The following SORCS3 variants were observed in gnomAD, a reference collection of about 807,000 sequenced individuals.
SORCS3 encodes the protein sortilin related VPS10 domain containing receptor 3.
Under a neutral mutation model 146.3 loss-of-function variants are expected in SORCS3, and 57 were observed. The ratio of observed to expected loss-of-function variants is 0.39; its 90% confidence interval spans 0.31 to 0.49. SORCS3 has a LOEUF of 0.49. Among genes scored for constraint, SORCS3 ranks in the 20% least tolerant of loss-of-function variants. The pLI is 0.92. For synonymous variants in SORCS3, 653 were observed against 618.5 expected (o/e 1.06, Z -0.83); for missense variants, 1,341 against 1,575.5 (o/e 0.85, Z 2.52).
intron 1 of SORCS3, among the ~76,000 whole-genome samples, chr10:104,743,383 TTTA>T (rs2016872345): frequency 6.6e-6 from 1 of 152,188 alleles, no homozygotes. Context: ...TCAGGAAACA[TTTA>T]TTAAGCATTC....
chr10:104,703,908 T>C lies in SORCS3; in HGVS notation c.627+61954T>C, dbSNP rs375781479. ...TGTAGGAGGATTCATTTTGAAACATTGTCAGCAACCAGCTGGAAAAAAATA... is the reference window on the plus strand; with the variant it reads ...TGTAGGAGGATTCATTTTGAAACATCGTCAGCAACCAGCTGGAAAAAAATA... On this transcript the variant is annotated intron_variant, in intron 1 of 26. Transcript: ENST00000369701. Among the ~76,000 whole-genome samples, 334 of 152,140 alleles carry C rather than the reference T, an allele frequency of 2.2e-3. 2 individuals are homozygous for C. Among genetic ancestry groups the C allele is most frequent in the Non-Finnish European group, 3.8e-3 (256 of 67,984 alleles).
chr10:104,972,542 G>A (rs2054866746), intron 3 of SORCS3, among the ~76,000 whole-genome samples: 1 of 152,140 alleles, frequency 6.6e-6, no homozygotes, highest in Non-Finnish European at 1.5e-5. Context: ...CAGCATGGCA[G>A]TGGGGGAGGG....
At chr10:105,130,573 G>A (rs1366183957) in intron 7 of SORCS3, among the ~76,000 whole-genome samples, 3 of 151,968 alleles carry the variant, frequency 2.0e-5, no homozygotes, top group Non-Finnish European at 4.4e-5. Flanking sequence ...CTTCCTTTCA[G>A]CATCTCCCCT....
chr10:104,749,857 A>T (rs1278613342), intron 1 of SORCS3, among the ~76,000 whole-genome samples: 3 of 152,200 alleles, frequency 2.0e-5, no homozygotes, highest in African/African-American at 4.8e-5. Context: ...TTTATTTTTT[A>T]AAGCCGTGAT....
At chr10:105,025,837 A>AACACAC (rs57597161) in intron 4 of SORCS3, among the ~76,000 whole-genome samples, 20,861 of 135,254 alleles carry the variant, frequency 0.15, 1,786 homozygotes, top group Non-Finnish European at 0.19. Flanking sequence ...TGTCTTCTCA[A>AACACAC]ACACACACAC....
chr10:104,895,503 T>C (rs747977923), intron 2 of SORCS3, among the ~76,000 whole-genome samples: 3 of 152,212 alleles, frequency 2.0e-5, no homozygotes, highest in African/African-American at 7.2e-5. Flanking sequence ...AGAACTCTCA[T>C]GTACTGTATA....
At chr10:104,929,393 G>A (rs999696) in intron 3 of SORCS3, among the ~76,000 whole-genome samples, 16,205 of 152,168 alleles carry the variant, frequency 0.11, 1,331 homozygotes, top group African/African-American at 0.24. Context: ...TCTGGGAGAA[G>A]GAATCTATAC....
At chr10:104,733,520 ATTTTT>A in intron 1 of SORCS3, among the ~76,000 whole-genome samples, 1 of 123,352 alleles carries the variant, frequency 8.1e-6, no homozygotes, top group Admixed American at 8.3e-5. Context: ...CTGATGATTA[ATTTTT>A]TTTTTTTTTT....
intron 16 of SORCS3, among the ~76,000 whole-genome samples, chr10:105,204,887 A>G (rs541131438): frequency 2.6e-5 from 4 of 152,326 alleles, no homozygotes; most frequent in African/African-American, 9.6e-5. Context: ...TTGTTAAAAG[A>G]TACAGTTTTT....
chr10:104,713,255 C>T (rs1402916821), intron 1 of SORCS3, among the ~76,000 whole-genome samples: 1 of 152,156 alleles, frequency 6.6e-6, no homozygotes, highest in African/African-American at 2.4e-5. Flanking sequence ...CTCTTCCCAA[C>T]ACAAGGTTGT....
At chr10:105,227,015 A>G (rs2056737459) in intron 20 of SORCS3, among the ~76,000 whole-genome samples, 1 of 151,686 alleles carries the variant, frequency 6.6e-6, no homozygotes, top group African/African-American at 2.4e-5. Flanking sequence ...TTTTTGGTTT[A>G]TTGATCTTTT....
At chr10:104,857,843 G>T (rs547621855) in intron 2 of SORCS3, among the ~76,000 whole-genome samples, 2 of 152,176 alleles carry the variant, frequency 1.3e-5, no homozygotes, top group Admixed American at 1.3e-4. Flanking sequence ...TGGTGGAGCA[G>T]AGGATAAAGA....
At chr10:104,675,773 A>G (rs2015906043) in intron 1 of SORCS3, among the ~76,000 whole-genome samples, 1 of 152,186 alleles carries the variant, frequency 6.6e-6, no homozygotes, top group Admixed American at 6.5e-5. Flanking sequence ...TTTATAATCA[A>G]TCTTATTATT....
At chr10:104,819,418 C>G (rs1589511375) in intron 1 of SORCS3, among the ~76,000 whole-genome samples, 1 of 152,186 alleles carries the variant, frequency 6.6e-6, no homozygotes, top group East Asian at 1.9e-4. Context: ...TTCTCTCTCT[C>G]TCACTCTCCC....
intron 1 of SORCS3, among the ~76,000 whole-genome samples, chr10:104,828,330 T>G (rs913589170): frequency 1.5e-4 from 23 of 152,132 alleles, no homozygotes; most frequent in Admixed American, 5.9e-4. Context: ...AATTCAGTAT[T>G]GTTGTGTCTC....
At chr10:104,919,122 G>A (rs576960195) in intron 3 of SORCS3, among the ~76,000 whole-genome samples, 1 of 152,238 alleles carries the variant, frequency 6.6e-6, no homozygotes, top group South Asian at 2.1e-4. Context: ...TCACTGGCAC[G>A]GGGATACCAC....
At chr10:105,072,794 C>T (rs1392035157) in intron 5 of SORCS3, among the ~76,000 whole-genome samples, 1 of 151,478 alleles carries the variant, frequency 6.6e-6, no homozygotes, top group Non-Finnish European at 1.5e-5. Flanking sequence ...TTTATGCAGG[C>T]AAAATGGGGT....
intron 14 of SORCS3, among the ~76,000 whole-genome samples, chr10:105,186,458 T>A (rs2056477292): frequency 6.6e-6 from 1 of 152,202 alleles, no homozygotes; most frequent in Admixed American, 6.5e-5. Flanking sequence ...AACTTTATAC[T>A]TTTTCTGATT....
At chr10:104,830,670 G>A (rs1243350921) in intron 1 of SORCS3, among the ~76,000 whole-genome samples, 7 of 152,194 alleles carry the variant, frequency 4.6e-5, no homozygotes, top group Non-Finnish European at 5.9e-5. Context: ...GTAATTTGCA[G>A]AGCCCTGGTT....
Sources: allele counts gnomAD v4.1 joint callset (sites outside exome capture counted in the v4.1 genomes callset), GRCh38; gene constraint gnomAD v4.1.1; transcripts MANE v1.5; gene names NCBI Gene and HGNC (gene_info 2026-07-23, HGNC 2026-07-21).